Variants in NEXMIF observed in about 807,000 individuals in gnomAD.
The protein encoded by NEXMIF is neurite extension and migration factor, also known as XLMR protein related to neurite extension.
A neutral mutation model predicts 62.1 loss-of-function variants in NEXMIF; 8 were observed. The observed-to-expected ratio is 0.13, with a 90% CI of 0.08 to 0.23. The LOEUF is 0.23. Ranked by LOEUF, NEXMIF falls within the 10% of genes least tolerant of loss-of-function variation. The pLI is 1.00. For missense variants in NEXMIF, 976 were observed against 1,113.3 expected (o/e 0.88, Z 1.75); for synonymous variants, 404 against 416.6 (o/e 0.97, Z 0.37).
intron 1 of NEXMIF, among the ~76,000 whole-genome samples, chrX:74,804,495 C>A (rs917945965): frequency 8.9e-6 from 1 of 111,842 alleles, no homozygotes; most frequent in African/African-American, 3.3e-5. Context: ...TGGGTCATGC[C>A]AGCATTGTGT....
intron 1 of NEXMIF, among the ~76,000 whole-genome samples, chrX:74,827,130 C>T (rs5981704): frequency 0.01 from 1,151 of 112,473 alleles, 14 homozygotes; most frequent in African/African-American, 0.036. Flanking sequence ...ACAAGAACAG[C>T]TGAGGCTCAG....
In NEXMIF at chrX:74,734,149, CA is replaced by C. The variant is rs2080079528; in HGVS notation, c.*5255del. 8.9e-6 allele frequency: 1 copy of C among 111,922 alleles called. No individual in the cohort carries two copies. Among genetic ancestry groups the C allele is most frequent in the Admixed American group, 9.5e-5 (1 of 10,477 alleles). 9.2% of individuals were successfully genotyped at this position (111,922 alleles called of 1,213,427 possible). A position where few individuals can be genotyped will look rare whatever the true frequency, so the allele number is the denominator to read the frequency against. Reference sequence around the variant, plus strand: ...ATTTTTAAGTTGCAGTGTCATATGTCAAACAGAAACTTAGGTTACATTCATA... The same window carrying C: ...ATTTTTAAGTTGCAGTGTCATATGTCAACAGAAACTTAGGTTACATTCATA... On this transcript the variant is annotated 3_prime_UTR_variant, in exon 4 of 4. Transcript: ENST00000055682.
intron 1 of NEXMIF, among the ~76,000 whole-genome samples, chrX:74,806,014 T>C (rs919040140): frequency 1.8e-5 from 2 of 111,687 alleles, no homozygotes; most frequent in Non-Finnish European, 3.8e-5. Context: ...GCTGTGTGTT[T>C]TCTTATTGTT....
chrX:74,853,382 C>T (rs1330244642), intron 1 of NEXMIF, among the ~76,000 whole-genome samples: 1 of 107,953 alleles, frequency 9.3e-6, no homozygotes, highest in Non-Finnish European at 1.9e-5. Context: ...GCAAATGCGG[C>T]CTCCACCTGG....
At chrX:74,844,076 G>A (rs1251660217) in intron 1 of NEXMIF, among the ~76,000 whole-genome samples, 2 of 111,871 alleles carry the variant, frequency 1.8e-5, no homozygotes, top group Admixed American at 9.5e-5. Context: ...CTTGGTTGAA[G>A]ATTTTTTTCT....
intron 1 of NEXMIF, among the ~76,000 whole-genome samples, chrX:74,758,745 C>CT (rs1382986129): frequency 1.8e-5 from 2 of 111,849 alleles, no homozygotes; most frequent in Non-Finnish European, 3.8e-5. Flanking sequence ...TGACCTCGTT[C>CT]TTTTTTTATG....
intron 1 of NEXMIF, among the ~76,000 whole-genome samples, chrX:74,894,800 A>G (rs1045472437): frequency 1.2e-4 from 13 of 112,459 alleles, no homozygotes; most frequent in African/African-American, 4.2e-4. Flanking sequence ...CTTCATAATA[A>G]AAACCCTCAA....
At chrX:74,753,269 G>A (rs1459994196) in intron 1 of NEXMIF, among the ~76,000 whole-genome samples, 1 of 111,849 alleles carries the variant, frequency 8.9e-6, no homozygotes, top group Non-Finnish European at 1.9e-5. Context: ...CACAGGGCTG[G>A]AAGGATCTTG....
At chrX:74,818,371 G>A (rs974237245) in intron 1 of NEXMIF, among the ~76,000 whole-genome samples, 1 of 111,625 alleles carries the variant, frequency 9.0e-6, no homozygotes, top group Admixed American at 9.5e-5. Flanking sequence ...AAGCAATGGG[G>A]AAAGGACTCC....
chrX:74,741,203 G>A lies in NEXMIF; in HGVS notation c.3354C>T (p.Thr1118=). 1 of 1,211,245 alleles carries A rather than the reference G, an allele frequency of 8.3e-7. No individual in the cohort carries two copies. The highest frequency in any genetic ancestry group is 1.1e-6 in the Non-Finnish European group (1 of 895,344). ...SVEKIKWDCS[T]LSRQVQMEDG... is the part of the protein sequence containing the mutation. ...CCTCCATTTGGACCTGCCGTGAAAG[G>A]GTACTGCAGTCCCACTTGATTTTTT... Residue 1118 remains threonine (T), a synonymous_variant, in exon 3 of 4, where the codon ACC becomes ACT. Coordinates refer to ENST00000055682, the MANE Select transcript of NEXMIF (RefSeq NM_001008537.3).
At chrX:74,885,859 A>G (rs1253749997) in intron 1 of NEXMIF, among the ~76,000 whole-genome samples, 1 of 112,085 alleles carries the variant, frequency 8.9e-6, no homozygotes, top group Admixed American at 9.5e-5. Context: ...AGAGAATTTT[A>G]GACCAATATC....
intron 1 of NEXMIF, among the ~76,000 whole-genome samples, chrX:74,920,336 T>C (rs1412036613): frequency 1.8e-5 from 2 of 112,197 alleles, no homozygotes; most frequent in African/African-American, 3.2e-5. Flanking sequence ...TGTGACATGG[T>C]ATCTCATTGT....
intron 1 of NEXMIF, among the ~76,000 whole-genome samples, chrX:74,894,959 C>T (rs2080728461): frequency 8.9e-6 from 1 of 112,026 alleles, no homozygotes; most frequent in Non-Finnish European, 1.9e-5. Context: ...CAACATAGTA[C>T]TGGCAGCCCT....
intron 1 of NEXMIF, among the ~76,000 whole-genome samples, chrX:74,857,760 T>C (rs1048918848): frequency 1.8e-5 from 2 of 111,961 alleles, no homozygotes; most frequent in African/African-American, 6.5e-5. Flanking sequence ...GGACCTGCCC[T>C]GGGCCAAAGG....
At chrX:74,840,638 A>G (rs754170432) in intron 1 of NEXMIF, among the ~76,000 whole-genome samples, 1 of 111,926 alleles carries the variant, frequency 8.9e-6, no homozygotes, top group Non-Finnish European at 1.9e-5. Flanking sequence ...TAAGTCTTTA[A>G]TCCATCTTGT....
intron 1 of NEXMIF, among the ~76,000 whole-genome samples, chrX:74,814,758 C>T (rs962004283): frequency 8.9e-6 from 1 of 112,248 alleles, no homozygotes; most frequent in African/African-American, 3.2e-5. Flanking sequence ...CTTTTTAACT[C>T]CCTGTTGGTT....
intron 1 of NEXMIF, among the ~76,000 whole-genome samples, chrX:74,823,229 C>T (rs2080403177): frequency 8.9e-6 from 1 of 111,836 alleles, no homozygotes; most frequent in Non-Finnish European, 1.9e-5. Context: ...TAATGATTTT[C>T]TTTTATCGAG....
intron 1 of NEXMIF, among the ~76,000 whole-genome samples, chrX:74,898,875 A>T (rs949972404): frequency 2.7e-5 from 3 of 111,821 alleles, no homozygotes; most frequent in African/African-American, 9.7e-5. Context: ...AATCAATTCC[A>T]TTTATAGTAC....
intron 1 of NEXMIF, among the ~76,000 whole-genome samples, chrX:74,831,103 C>G (rs769673057): frequency 9.0e-6 from 1 of 110,738 alleles, no homozygotes; most frequent in African/African-American, 3.3e-5. Flanking sequence ...AGTCAGCATC[C>G]TTGTTTTTTC....
Sources: allele counts gnomAD v4.1 joint callset (sites outside exome capture counted in the v4.1 genomes callset), GRCh38; gene constraint gnomAD v4.1.1; transcripts MANE v1.5; gene names NCBI Gene and HGNC (gene_info 2026-07-23, HGNC 2026-07-21).